Variants in NTRK3 observed in about 807,000 individuals in gnomAD.
NTRK3 encodes neurotrophic receptor tyrosine kinase 3.
NTRK3 carries 24 observed loss-of-function variants against 91.7 expected under a neutral mutation model. The ratio of observed to expected loss-of-function variants is 0.26; its 90% CI spans 0.19 to 0.37. The LOEUF (loss-of-function observed/expected upper bound fraction) is 0.37, where lower values mean the gene tolerates loss of function less well. Ranked by LOEUF, NTRK3 falls within the 10% of genes least tolerant of loss-of-function variation. The probability of loss-of-function intolerance (pLI) is 1.00; values close to 1 mark genes in which losing one functional copy is unlikely to be tolerated. For synonymous variants in NTRK3, 483 were observed against 404.0 expected (o/e 1.20, Z -2.34); for missense variants, 880 against 1,068.9 (o/e 0.82, Z 2.46).
chr15:88,035,845 T>G (rs1473546457), intron 13 of NTRK3, among the ~76,000 whole-genome samples: 1 of 152,172 alleles, frequency 6.6e-6, no homozygotes, highest in South Asian at 2.1e-4. Flanking sequence ...AGGCAATATT[T>G]AAAACGTGAA....
At chr15:88,214,851 C>G (rs2049605136) in intron 3 of NTRK3, among the ~76,000 whole-genome samples, 1 of 152,138 alleles carries the variant, frequency 6.6e-6, no homozygotes, top group South Asian at 2.1e-4. Flanking sequence ...GAGGTGAGCC[C>G]CTGAAGTGCA....
chr15:87,889,734 G>A (rs1191718279), intron 17 of NTRK3, among the ~76,000 whole-genome samples: 1 of 152,022 alleles, frequency 6.6e-6, no homozygotes. Flanking sequence ...TAGACTCAAA[G>A]GGTAGGAGAA....
chr15:88,041,792 C>T (rs2079643088), intron 13 of NTRK3, among the ~76,000 whole-genome samples: 1 of 138,460 alleles, frequency 7.2e-6, no homozygotes, highest in Admixed American at 8.0e-5. Context: ...TGCATCACAC[C>T]ATCTTCAGCA....
chr15:88,102,173 TA>T (rs548814735), intron 13 of NTRK3, among the ~76,000 whole-genome samples: 173 of 152,234 alleles, frequency 1.1e-3, no homozygotes, highest in Non-Finnish European at 2.3e-3. Flanking sequence ...AACAGCATTA[TA>T]GATGGTACAG....
intron 14 of NTRK3, among the ~76,000 whole-genome samples, chr15:88,015,882 C>A (rs1026075717): frequency 1.3e-5 from 2 of 151,878 alleles, no homozygotes; most frequent in African/African-American, 2.4e-5. Context: ...AGCTCTACAG[C>A]GGCTCCAATG....
chr15:87,897,463 C>A (rs544786674), intron 17 of NTRK3, among the ~76,000 whole-genome samples: 19 of 152,226 alleles, frequency 1.2e-4, no homozygotes, highest in African/African-American at 4.3e-4. Context: ...GGCCTCCTGG[C>A]TGCACTAATA....
chr15:88,037,203 G>A (rs1439153716), intron 13 of NTRK3, among the ~76,000 whole-genome samples: 1 of 152,136 alleles, frequency 6.6e-6, no homozygotes, highest in Non-Finnish European at 1.5e-5. Flanking sequence ...CATTAGAAGG[G>A]GAGCAAGGAA....
At chr15:88,248,578 G>A (rs906039050) in intron 3 of NTRK3, among the ~76,000 whole-genome samples, 1 of 152,136 alleles carries the variant, frequency 6.6e-6, no homozygotes, top group Non-Finnish European at 1.5e-5. Context: ...ATGCATAAGA[G>A]TATTGCAAAA....
chr15:88,167,975 T>G (rs1379153799), intron 5 of NTRK3, among the ~76,000 whole-genome samples: 2 of 152,100 alleles, frequency 1.3e-5, no homozygotes, highest in Admixed American at 1.3e-4. Context: ...AAAACAAGCT[T>G]ATGAGGGAGA....
At chr15:88,178,827 G>C (rs1307902858) in intron 5 of NTRK3, among the ~76,000 whole-genome samples, 1 of 152,224 alleles carries the variant, frequency 6.6e-6, no homozygotes, top group Non-Finnish European at 1.5e-5. Flanking sequence ...AGAGCTCTTT[G>C]AGGATGGAGC....
chr15:88,061,560 C>T (rs1341187980), intron 13 of NTRK3, among the ~76,000 whole-genome samples: 6 of 152,254 alleles, frequency 3.9e-5, no homozygotes, highest in Non-Finnish European at 1.5e-5. Context: ...AGCCGGAACC[C>T]ATGTGGCATG....
At chr15:88,086,800 G>A (rs570307066) in intron 13 of NTRK3, among the ~76,000 whole-genome samples, 1 of 152,334 alleles carries the variant, frequency 6.6e-6, no homozygotes, top group Admixed American at 6.5e-5. Flanking sequence ...CTCCTAGCCT[G>A]GGGCAGTTGT....
chr15:88,249,562 G>T (rs2053160405), intron 3 of NTRK3, among the ~76,000 whole-genome samples: 1 of 152,168 alleles, frequency 6.6e-6, no homozygotes, highest in South Asian at 2.1e-4. Context: ...CCTCATGGGT[G>T]ACATGAGGGA....
chr15:87,931,364 G>T (rs2068783490), intron 16 of NTRK3: 1 of 358,944 alleles, frequency 2.8e-6, no homozygotes, highest in Non-Finnish European at 5.5e-6. Flanking sequence ...AGCTACCATG[G>T]TTCACAATTC....
chr15:88,212,700 TCACACACACACACACACACA>T (rs60620542), intron 3 of NTRK3, among the ~76,000 whole-genome samples: 11 of 146,228 alleles, frequency 7.5e-5, no homozygotes, highest in East Asian at 2.0e-4. Context: ...GGCTGCTGCA[TCACACACACACACACACACA>T]CACACACACA....
intron 13 of NTRK3, among the ~76,000 whole-genome samples, chr15:88,059,217 G>C (rs1341557528): frequency 6.6e-6 from 1 of 152,172 alleles, no homozygotes; most frequent in Non-Finnish European, 1.5e-5. Flanking sequence ...GCATAAATAA[G>C]CCCTTTAATA....
At chr15:88,096,870 T>C (rs1357190737) in intron 13 of NTRK3, among the ~76,000 whole-genome samples, 1 of 152,234 alleles carries the variant, frequency 6.6e-6, no homozygotes, top group Non-Finnish European at 1.5e-5. Context: ...TGCTCCCTAA[T>C]GCATCCTGGA....
At chr15:88,168,348 G>T (rs1398948896) in intron 5 of NTRK3, among the ~76,000 whole-genome samples, 1 of 152,044 alleles carries the variant, frequency 6.6e-6, no homozygotes, top group South Asian at 2.1e-4. Context: ...GGGAGCCGGG[G>T]GAGAAGAAGA....
chr15:88,043,453 C>T (rs530665900), intron 13 of NTRK3, among the ~76,000 whole-genome samples: 1 of 152,302 alleles, frequency 6.6e-6, no homozygotes, highest in African/African-American at 2.4e-5. Context: ...GTAACTTTCC[C>T]CCAACTTCCT....
Sources: gnomAD v4.1 joint callset for allele counts (sites outside exome capture counted in the v4.1 genomes callset) on GRCh38, gnomAD v4.1.1 for gene constraint, MANE v1.5 for transcripts, NCBI Gene and HGNC (gene_info 2026-07-23, HGNC 2026-07-21) for gene names.